MLANA: variants seen among roughly 807,000 people sequenced by gnomAD.
The protein encoded by MLANA is melan-A, also known as melanoma antigen recognized by T-cells 1.
MLANA carries 21 observed loss-of-function variants against 15.7 expected under a neutral mutation model. The observed-to-expected ratio is 1.33, with a 90% confidence interval of 0.95 to 1.92. The LOEUF is 1.92. Among genes scored for constraint, MLANA ranks in the 40% most tolerant of loss-of-function variants. The pLI, the probability that MLANA is intolerant of heterozygous loss-of-function variation, is 0.00. For synonymous variants in MLANA, 56 were observed against 51.5 expected, an observed-to-expected ratio of 1.09 and a Z score of -0.37; for missense variants, 164 against 143.8, an observed-to-expected ratio of 1.14 and a Z score of -0.72.
At chr9:5,891,748 CAG>C (rs1312116901) in intron 1 of MLANA, among the ~76,000 whole-genome samples, 4 of 152,146 alleles carry the variant, frequency 2.6e-5, no homozygotes, top group Admixed American at 6.5e-5. Context: ...GGACTTGAAC[CAG>C]AGAGAAGCAG....
intron 3 of MLANA, among the ~76,000 whole-genome samples, chr9:5,901,852 A>AC (rs1832450407): frequency 6.6e-6 from 1 of 152,240 alleles, no homozygotes; most frequent in South Asian, 2.1e-4. Context: ...AGGTTTGCAT[A>AC]CCTGGCATAA....
chr9:5,893,091 T>C (rs777369822), intron 2 of MLANA, among the ~76,000 whole-genome samples: 15 of 152,236 alleles, frequency 9.9e-5, no homozygotes, highest in Non-Finnish European at 1.9e-4. Context: ...AGTATTTATA[T>C]GATTAAGCAT....
intron 4 of MLANA, among the ~76,000 whole-genome samples, chr9:5,907,571 T>C (rs1832899960): frequency 6.6e-6 from 1 of 152,234 alleles, no homozygotes; most frequent in South Asian, 2.1e-4. Flanking sequence ...CACCTTGAAA[T>C]AAATATTCTG....
intron 3 of MLANA, among the ~76,000 whole-genome samples, chr9:5,904,603 G>A (rs1190793163): frequency 1.3e-5 from 2 of 151,966 alleles, no homozygotes; most frequent in Non-Finnish European, 1.5e-5. Flanking sequence ...CTCCTGAGTA[G>A]CTGAGATTAA....
chr9:5,904,868 G>A (rs1328881160), intron 3 of MLANA, among the ~76,000 whole-genome samples: 2 of 151,854 alleles, frequency 1.3e-5, no homozygotes, highest in African/African-American at 4.8e-5. Flanking sequence ...CTGCCTCCTG[G>A]GTTCATGCCA....
chr9:5,900,784 A>G (rs1308333657), intron 3 of MLANA, among the ~76,000 whole-genome samples: 1 of 152,244 alleles, frequency 6.6e-6, no homozygotes, highest in Non-Finnish European at 1.5e-5. Flanking sequence ...GTGGGAAATG[A>G]TTTGTAATAA....
In MLANA at chr9:5,894,339, G is replaced by C. The variant is rs925427182; in HGVS notation, c.77+1788G>C. Among the ~76,000 whole-genome samples, 8 of 152,112 alleles carry C rather than the reference G, an allele frequency of 5.3e-5. No homozygotes were observed. Among genetic ancestry groups the C allele is most frequent in the Non-Finnish European group, 8.8e-5 (6 of 68,020 alleles). ...CATAGAGACTTTAATATAAGAAGCT[G>C]GTTAAACAGGCATGGGACTGAGACT... On this transcript the variant is annotated intron_variant, in intron 2 of 4. Transcript: ENST00000381477. The surrounding 1 kb of genome is among the most constrained non-coding windows in gnomAD (Gnocchi z 4.0).
chr9:5,899,634 G>A (rs1300979253), intron 3 of MLANA, among the ~76,000 whole-genome samples: 2 of 152,142 alleles, frequency 1.3e-5, no homozygotes, highest in Non-Finnish European at 2.9e-5. Context: ...GGTTAGTAGG[G>A]GAGGACTTTA....
intron 2 of MLANA, 142 bp from the exon 3 acceptor site, chr9:5,897,415 G>C: frequency 1.4e-6 from 1 of 715,002 alleles, no homozygotes; most frequent in Non-Finnish European, 2.4e-6. Flanking sequence ...GCCCAGTGTG[G>C]GAGGTGGGAA....
At chr9:5,893,823 G>A (rs1053041767) in intron 2 of MLANA, among the ~76,000 whole-genome samples, 3 of 152,010 alleles carry the variant, frequency 2.0e-5, no homozygotes, top group African/African-American at 7.2e-5. Flanking sequence ...TCCACATCTT[G>A]CCAACAGAAA....
At chr9:5,899,219 C>T (rs553194230) in intron 3 of MLANA, 5 of 152,160 alleles carry the variant, frequency 3.3e-5, no homozygotes, top group Admixed American at 3.3e-4. Flanking sequence ...AAGTCCCATT[C>T]CTCATTCAGC....
chr9:5,903,334 T>C (rs1832571467), intron 3 of MLANA, among the ~76,000 whole-genome samples: 1 of 152,216 alleles, frequency 6.6e-6, no homozygotes, highest in Admixed American at 6.5e-5. Flanking sequence ...CTATTATATC[T>C]AGTTAATCGA....
intron 4 of MLANA, among the ~76,000 whole-genome samples, chr9:5,907,408 T>C (rs1832885496): frequency 6.6e-6 from 1 of 152,220 alleles, no homozygotes; most frequent in East Asian, 1.9e-4. Context: ...AGAGCTGTGC[T>C]GTCTGATGGC....
chr9:5,894,967 T>C lies in MLANA; in HGVS notation c.77+2416T>C, dbSNP rs565030098. ...ACTGAAGGCACAAGCTTTCTGTGTC[T>C]TGCAACCTGAATGACGTGCATAAGC... On this transcript the variant is annotated intron_variant, in intron 2 of 4. Transcript: ENST00000381477. This position sits in a 1 kb window ranked among gnomAD's most constrained non-coding sequence, Gnocchi z 4.0. 4.4e-4 allele frequency among the ~76,000 whole-genome samples: 67 copies of C among 152,320 alleles called. No homozygotes were observed. Among genetic ancestry groups the C allele is most frequent in the Admixed American group, 1.2e-3 (18 of 15,302 alleles).
At chr9:5,899,783 T>C (rs1832296087) in intron 3 of MLANA, among the ~76,000 whole-genome samples, 1 of 152,220 alleles carries the variant, frequency 6.6e-6, no homozygotes, top group Non-Finnish European at 1.5e-5. Flanking sequence ...TTCTAACTCA[T>C]CTTCATATCT....
chr9:5,896,471 T>G (rs867654940), intron 2 of MLANA, among the ~76,000 whole-genome samples: 30 of 152,286 alleles, frequency 2.0e-4, no homozygotes, highest in South Asian at 2.1e-4. Context: ...AAGCTTGATG[T>G]CTCCTCAGCC....
At chr9:5,896,311 A>G (rs779064831) in intron 2 of MLANA, among the ~76,000 whole-genome samples, 2 of 152,246 alleles carry the variant, frequency 1.3e-5, no homozygotes, top group Non-Finnish European at 2.9e-5. Context: ...AATGAATGGT[A>G]GTCACTATGG....
At chr9:5,892,413 G>T (rs1042764957) in intron 1 of MLANA, 37 bp from the exon 2 acceptor site, 21 of 1,488,182 alleles carry the variant, frequency 1.4e-5, no homozygotes, top group Non-Finnish European at 1.7e-5. Flanking sequence ...GGGTGGCTTT[G>T]GATGCATTAA....
chr9:5,899,289 G>C (rs921943751), intron 3 of MLANA: 5 of 152,326 alleles, frequency 3.3e-5, no homozygotes, highest in Non-Finnish European at 4.4e-5. Flanking sequence ...GTGGGGTGGG[G>C]ATTGAAGCTT....
Sources: allele counts gnomAD v4.1 joint callset (sites outside exome capture counted in the v4.1 genomes callset), GRCh38; gene constraint gnomAD v4.1.1; non-coding constraint Gnocchi (gnomAD v3.1); transcripts MANE v1.5; gene names NCBI Gene and HGNC (gene_info 2026-07-23, HGNC 2026-07-21).